Variants in TENM2 observed in about 807,000 individuals in gnomAD.
The protein encoded by TENM2 is teneurin-2.
Under a neutral mutation model 245.2 loss-of-function variants are expected in TENM2, and 52 were observed. The ratio of observed to expected loss-of-function variants is 0.21; its 90% CI spans 0.17 to 0.27. TENM2 has a LOEUF of 0.27. Among genes scored for constraint, TENM2 ranks in the 10% least tolerant of loss-of-function variants. The pLI is 1.00. For missense variants in TENM2, 3,046 were observed against 3,666.8 expected (o/e 0.83, Z 4.37); for synonymous variants, 1,363 against 1,438.9 (o/e 0.95, Z 1.19).
chr5:167,365,063 T>A (rs1169603394), intron 1 of TENM2, among the ~76,000 whole-genome samples: 1 of 151,998 alleles, frequency 6.6e-6, no homozygotes, highest in East Asian at 1.9e-4. Context: ...ATAAAATAAG[T>A]CTCAATAAGT....
chr5:167,816,705 G>C (rs1251289223), intron 2 of TENM2, among the ~76,000 whole-genome samples: 1 of 152,110 alleles, frequency 6.6e-6, no homozygotes, highest in African/African-American at 2.4e-5. Flanking sequence ...AGAATTTAAA[G>C]ACCACCACAA....
chr5:167,304,768 A>T (rs6865179), intron 1 of TENM2, among the ~76,000 whole-genome samples: 1 of 151,868 alleles, frequency 6.6e-6, no homozygotes, highest in African/African-American at 2.4e-5. Context: ...TGTTGCTGTT[A>T]TTGTTTTGAG....
At chr5:167,451,742 G>A (rs958600352) in intron 2 of TENM2, among the ~76,000 whole-genome samples, 1 of 151,792 alleles carries the variant, frequency 6.6e-6, no homozygotes, top group East Asian at 1.9e-4. Context: ...TCCGCCTCCC[G>A]GGTTCATGCC....
intron 21 of TENM2, 99 bp from the exon 24 acceptor site, chr5:168,216,669 G>T (rs1763225927): frequency 3.4e-6 from 4 of 1,160,234 alleles, no homozygotes; most frequent in African/African-American, 1.5e-5. Context: ...AAGGTCTCTG[G>T]TCTAAGCAGA....
intron 2 of TENM2, among the ~76,000 whole-genome samples, chr5:167,793,620 A>G (rs1765122955): frequency 1.3e-5 from 2 of 152,010 alleles, no homozygotes; most frequent in Admixed American, 6.6e-5. Context: ...GGATCACTTG[A>G]GCCCAGGAGT....
chr5:168,264,030 A>C (rs1768434650), downstream of TENM2: 2 of 152,624 alleles, frequency 1.3e-5, no homozygotes, highest in African/African-American at 4.8e-5. Flanking sequence ...ACATGTATGA[A>C]TTGTTCATCG....
intron 2 of TENM2, among the ~76,000 whole-genome samples, chr5:167,865,873 AC>A (rs1290144951): frequency 6.6e-6 from 1 of 152,246 alleles, no homozygotes; most frequent in Non-Finnish European, 1.5e-5. Flanking sequence ...ATAGCAGCCA[AC>A]AGTGAAGTGA....
At chr5:167,636,244 G>A (rs918326652) in intron 2 of TENM2, among the ~76,000 whole-genome samples, 19 of 152,090 alleles carry the variant, frequency 1.2e-4, no homozygotes, top group Admixed American at 1.2e-3. Context: ...AGATTTAAGA[G>A]GATTCTTTTG....
chr5:168,165,274 G>A (rs911859960), intron 13 of TENM2: 3 of 151,920 alleles, frequency 2.0e-5, no homozygotes, highest in Non-Finnish European at 4.4e-5. Flanking sequence ...AGAATCGCAC[G>A]ACTTTTGCTG....
chr5:167,757,606 C>T (rs1274136076), intron 2 of TENM2, among the ~76,000 whole-genome samples: 1 of 152,052 alleles, frequency 6.6e-6, no homozygotes, highest in African/African-American at 2.4e-5. Context: ...GGTATATGCC[C>T]AGTAATGGGA....
chr5:167,238,009 CAAAAA>C, the TENM2 span, among the ~76,000 whole-genome samples: 65 of 44,110 alleles, frequency 1.5e-3, no homozygotes, highest in African/African-American at 5.0e-3. Flanking sequence ...GACTCTGTCT[CAAAAA>C]AAAAAAAAAA....
intron 6 of TENM2, among the ~76,000 whole-genome samples, chr5:168,051,211 A>G (rs545785807): frequency 1.3e-5 from 2 of 152,334 alleles, no homozygotes; most frequent in South Asian, 2.1e-4. Flanking sequence ...AATTGCATGG[A>G]TCATTCTCAA....
At chr5:167,769,414 C>A (rs1050196950) in intron 2 of TENM2, among the ~76,000 whole-genome samples, 6 of 152,120 alleles carry the variant, frequency 3.9e-5, no homozygotes, top group Non-Finnish European at 7.4e-5. Context: ...GACACTGGGG[C>A]CTTTTCATTG....
intron 25 of TENM2, chr5:168,229,556 A>AACAAG (rs1764641504): frequency 6.6e-6 from 1 of 152,200 alleles, no homozygotes; most frequent in African/African-American, 2.4e-5. Flanking sequence ...ATAACTGCAG[A>AACAAG]ACAAGACAAG....
intron 2 of TENM2, among the ~76,000 whole-genome samples, chr5:167,698,058 C>A (rs1434769567): frequency 6.6e-6 from 1 of 152,134 alleles, no homozygotes; most frequent in Non-Finnish European, 1.5e-5. Flanking sequence ...AAATCTATCT[C>A]CAAATGCCAC....
chr5:167,776,014 C>T (rs997524424), intron 2 of TENM2, among the ~76,000 whole-genome samples: 24 of 151,926 alleles, frequency 1.6e-4, no homozygotes, highest in African/African-American at 5.6e-4. Flanking sequence ...AATATGACAT[C>T]TACAATTAAA....
At chr5:167,755,249 C>T (rs1317855426) in intron 2 of TENM2, 1 of 1,342,180 alleles carries the variant, frequency 7.5e-7, no homozygotes, top group Non-Finnish European at 1.1e-6. Flanking sequence ...TCCTCACTGA[C>T]AGGGTAGTTG....
chr5:167,073,617 A>G, the TENM2 span, among the ~76,000 whole-genome samples: 1 of 152,158 alleles, frequency 6.6e-6, no homozygotes, highest in African/African-American at 2.4e-5. Flanking sequence ...TTCTACCTGG[A>G]TAGATCCCCC....
At chr5:167,444,322 A>ACACAC (rs1270422792) in intron 2 of TENM2, among the ~76,000 whole-genome samples, 1 of 104,816 alleles carries the variant, frequency 9.5e-6, no homozygotes, top group African/African-American at 3.1e-5. Flanking sequence ...CACACACACA[A>ACACAC]TCCTTAATTC....
Sources: allele counts gnomAD v4.1 joint callset (sites outside exome capture counted in the v4.1 genomes callset), GRCh38; gene constraint gnomAD v4.1.1; transcripts MANE v1.5; gene names NCBI Gene and HGNC (gene_info 2026-07-23, HGNC 2026-07-21).